The following THEMIS variants were observed in gnomAD, a reference collection of about 807,000 sequenced individuals.
THEMIS encodes the protein protein THEMIS.
Under a neutral mutation model 52.6 loss-of-function variants are expected in THEMIS, and 37 were observed. The observed-to-expected ratio is 0.70, with a 90% CI of 0.54 to 0.93. The LOEUF is 0.93. Among genes scored for constraint, THEMIS ranks in the 40% least tolerant of loss-of-function variants. The pLI is 0.00. For synonymous variants in THEMIS, 292 were observed against 272.7 expected (o/e 1.07, Z -0.70); for missense variants, 808 against 763.1 (o/e 1.06, Z -0.69).
chr6:127,833,615 C>G (rs1291954626), intron 2 of THEMIS, among the ~76,000 whole-genome samples: 1 of 152,144 alleles, frequency 6.6e-6, no homozygotes, highest in African/African-American at 2.4e-5. Flanking sequence ...CCAGCCCTCT[C>G]TTTACATGGA....
chr6:127,894,722 G>T (rs1426259960), intron 1 of THEMIS, among the ~76,000 whole-genome samples: 1 of 151,504 alleles, frequency 6.6e-6, no homozygotes, highest in African/African-American at 2.4e-5. Context: ...AAAATTCCAT[G>T]TTTAGTAGGT....
chr6:127,808,332 T>C (rs988433548), intron 4 of THEMIS, among the ~76,000 whole-genome samples: 2 of 152,174 alleles, frequency 1.3e-5, no homozygotes, highest in Non-Finnish European at 2.9e-5. Context: ...CCAGTGAGTA[T>C]ATGTTCTTCT....
chr6:127,755,904 G>T (rs1775806921), intron 4 of THEMIS, among the ~76,000 whole-genome samples: 1 of 151,844 alleles, frequency 6.6e-6, no homozygotes. Flanking sequence ...GTGCATGGCT[G>T]TACTCCCAGC....
chr6:127,848,037 T>A (rs1328244010), intron 2 of THEMIS, among the ~76,000 whole-genome samples: 2 of 150,628 alleles, frequency 1.3e-5, no homozygotes, highest in Non-Finnish European at 3.0e-5. Flanking sequence ...CATTTAACAT[T>A]AGGTATATCT....
chr6:127,787,888 G>GAT (rs1482878841), intron 4 of THEMIS, among the ~76,000 whole-genome samples: 8 of 148,020 alleles, frequency 5.4e-5, no homozygotes, highest in South Asian at 4.3e-4. Flanking sequence ...GATATAGATA[G>GAT]ATAGATAGAT....
At chr6:127,769,351 T>G (rs1055754692) in intron 4 of THEMIS, among the ~76,000 whole-genome samples, 8 of 146,970 alleles carry the variant, frequency 5.4e-5, no homozygotes, top group African/African-American at 1.8e-4. Flanking sequence ...AGTTTTTTTT[T>G]GTTTTTTTTT....
At chr6:127,907,595 G>A (rs1328757628) in intron 1 of THEMIS, among the ~76,000 whole-genome samples, 4 of 151,644 alleles carry the variant, frequency 2.6e-5, no homozygotes, top group Non-Finnish European at 4.4e-5. Context: ...TCAGGTTCAC[G>A]GGCTCTACTT....
intron 4 of THEMIS, among the ~76,000 whole-genome samples, chr6:127,798,765 C>T (rs983990486): frequency 9.9e-5 from 15 of 151,890 alleles, no homozygotes; most frequent in East Asian, 1.9e-4. Context: ...CCGAGGCGGG[C>T]GGATCACGAG....
At chr6:127,713,972 A>G (rs940827676) in intron 5 of THEMIS, among the ~76,000 whole-genome samples, 6 of 151,882 alleles carry the variant, frequency 4.0e-5, no homozygotes, top group African/African-American at 1.4e-4. Flanking sequence ...CAGATGAGAG[A>G]CAGTGGTTGA....
chr6:127,893,883 A>G (rs574461819), intron 1 of THEMIS, among the ~76,000 whole-genome samples: 3 of 152,258 alleles, frequency 2.0e-5, no homozygotes, highest in Admixed American at 1.3e-4. Flanking sequence ...GAACCCCAAA[A>G]TATTGGAAAC....
intron 4 of THEMIS, among the ~76,000 whole-genome samples, chr6:127,754,278 G>A (rs1231341910): frequency 6.6e-6 from 1 of 152,128 alleles, no homozygotes; most frequent in Non-Finnish European, 1.5e-5. Context: ...CTCTTCCACA[G>A]CAGTTGCTTT....
chr6:127,741,006 A>G (rs1775184329), intron 4 of THEMIS, among the ~76,000 whole-genome samples: 1 of 152,212 alleles, frequency 6.6e-6, no homozygotes. Context: ...CCCACACCTG[A>G]AAAGTACTTA....
chr6:127,772,353 T>C (rs1183362521), intron 4 of THEMIS, among the ~76,000 whole-genome samples: 2 of 152,110 alleles, frequency 1.3e-5, no homozygotes, highest in Non-Finnish European at 2.9e-5. Flanking sequence ...ATTTTGAATA[T>C]TCTTGAATTT....
chr6:127,883,341 T>C (rs1030452101), intron 1 of THEMIS, among the ~76,000 whole-genome samples: 1 of 151,650 alleles, frequency 6.6e-6, no homozygotes, highest in African/African-American at 2.4e-5. Flanking sequence ...CCTAAAAAAA[T>C]GCAAATAATA....
chr6:127,852,928 A>G (rs1020918271), intron 2 of THEMIS, among the ~76,000 whole-genome samples: 28 of 151,600 alleles, frequency 1.8e-4, no homozygotes, highest in African/African-American at 6.3e-4. Context: ...TAGATGCAAG[A>G]TTATCATGCT....
intron 2 of THEMIS, among the ~76,000 whole-genome samples, chr6:127,830,683 C>T (rs933020552): frequency 6.6e-6 from 1 of 150,466 alleles, no homozygotes; most frequent in Non-Finnish European, 1.5e-5. Context: ...GAGACTCTGT[C>T]TCTCAAAAAA....
At chr6:127,874,386 C>A (rs928253536) in intron 1 of THEMIS, among the ~76,000 whole-genome samples, 1 of 150,776 alleles carries the variant, frequency 6.6e-6, no homozygotes, top group Non-Finnish European at 1.5e-5. Flanking sequence ...AAGGCATGTG[C>A]AAGTTTTGAA....
At chr6:127,727,952 A>G in intron 4 of THEMIS, among the ~76,000 whole-genome samples, 1 of 152,102 alleles carries the variant, frequency 6.6e-6, no homozygotes, top group Non-Finnish European at 1.5e-5. Context: ...TTTAAGGAGC[A>G]TTGTCTGGCA....
chr6:127,765,121 T>TA (rs34855248), intron 4 of THEMIS, among the ~76,000 whole-genome samples: 9,131 of 152,012 alleles, frequency 0.06, 353 homozygotes, highest in African/African-American at 0.098. Flanking sequence ...TAATGCAGAA[T>TA]AAAAAAATAT....
Sources: gnomAD v4.1 joint callset for allele counts (sites outside exome capture counted in the v4.1 genomes callset) on GRCh38, gnomAD v4.1.1 for gene constraint, MANE v1.5 for transcripts, NCBI Gene and HGNC (gene_info 2026-07-23, HGNC 2026-07-21) for gene names.